Variants in COL28A1 observed in about 807,000 individuals in gnomAD.
COL28A1 encodes the protein collagen type XXVIII alpha 1 chain, also known as collagen alpha-1(XXVIII) chain.
A neutral mutation model predicts 150.2 loss-of-function variants in COL28A1; 161 were observed. That is an observed-to-expected ratio of 1.07 (90% CI 0.94 to 1.22). The LOEUF (loss-of-function observed/expected upper bound fraction) is 1.22, where lower values mean the gene tolerates loss of function less well. Among genes scored for constraint, COL28A1 ranks in the 50% most tolerant of loss-of-function variants. COL28A1 has a pLI of 0.00. For synonymous variants in COL28A1, 552 were observed against 469.7 expected, an observed-to-expected ratio of 1.18 and a Z score of -2.26; for missense variants, 1,617 against 1,388.3, an observed-to-expected ratio of 1.16 and a Z score of -2.62.
intron 15 of COL28A1, among the ~76,000 whole-genome samples, chr7:7,462,567 C>A (rs1162883931): frequency 2.0e-5 from 3 of 152,042 alleles, no homozygotes; most frequent in Non-Finnish European, 2.9e-5. Context: ...GACACACTTA[C>A]AGAAATGCAG....
chr7:7,489,430 C>CAAT lies in COL28A1; in HGVS notation c.1122_1123insATT (p.Pro374_Gly375insIle). The CAAT allele has an allele frequency of 6.8e-7, 1 of 1,463,354 alleles. No individual in the cohort carries two copies. Among genetic ancestry groups the CAAT allele is most frequent in the South Asian group, 1.1e-5 (1 of 88,096 alleles). 90.6% of individuals were successfully genotyped at this position (1,463,354 alleles called of 1,614,324 possible). On this transcript the variant is annotated inframe_insertion, in exon 13 of 35. Coordinates refer to ENST00000399429, the MANE Select transcript of COL28A1 (RefSeq NM_001037763.3). ...CCAACTCCAATGGGTCCTGGAGCTC[C>CAAT]CGGTCTTCCTTCTTGGCCTCTTTCT... is the stretch of plus-strand genomic sequence containing the variant.
At chr7:7,420,068 C>A in intron 25 of COL28A1, 115 bp from the exon 26 acceptor site, 1 of 521,892 alleles carries the variant, frequency 1.9e-6, no homozygotes, top group South Asian at 5.2e-5. Flanking sequence ...ATTAATTGAA[C>A]CCTCTTCTCC....
At chr7:7,388,156 T>A (rs1331119377) in intron 27 of COL28A1, among the ~76,000 whole-genome samples, 5 of 151,924 alleles carry the variant, frequency 3.3e-5, no homozygotes, top group African/African-American at 9.7e-5. Flanking sequence ...ATGCTATCCC[T>A]CCCCTAGCCC....
chr7:7,435,084 T>G (rs1041232945), intron 23 of COL28A1, among the ~76,000 whole-genome samples: 2 of 152,108 alleles, frequency 1.3e-5, no homozygotes, highest in African/African-American at 4.8e-5. Context: ...AGCAAAATGA[T>G]TGAGTGAAGA....
At chr7:7,500,921 C>T (rs1780487563) in intron 11 of COL28A1, among the ~76,000 whole-genome samples, 1 of 152,158 alleles carries the variant, frequency 6.6e-6, no homozygotes, top group South Asian at 2.1e-4. Context: ...TCATGTACTA[C>T]CCTCATCGCC....
intron 27 of COL28A1, among the ~76,000 whole-genome samples, chr7:7,408,341 T>C (rs558885190): frequency 6.6e-6 from 1 of 152,264 alleles, no homozygotes; most frequent in East Asian, 1.9e-4. Flanking sequence ...TAAGTAACCC[T>C]GAGCAGGTAA....
intron 15 of COL28A1, among the ~76,000 whole-genome samples, chr7:7,461,727 A>C (rs2128338755): frequency 6.6e-6 from 1 of 152,238 alleles, no homozygotes; most frequent in Non-Finnish European, 1.5e-5. Flanking sequence ...CAGCCACAGC[A>C]AGACCCACCC....
chr7:7,534,139 T>G (rs554439047), intron 1 of COL28A1, among the ~76,000 whole-genome samples: 1 of 152,300 alleles, frequency 6.6e-6, no homozygotes, highest in South Asian at 2.1e-4. Flanking sequence ...ATGGATGGCT[T>G]CATGCCACAG....
intron 32 of COL28A1, among the ~76,000 whole-genome samples, chr7:7,372,437 AT>A (rs1219193926): frequency 0.018 from 2,685 of 147,482 alleles, 95 homozygotes; most frequent in African/African-American, 0.068. Flanking sequence ...AAATAAATAA[AT>A]AAATGGTTGT....
At chr7:7,524,041 T>G (rs1781888164) in intron 4 of COL28A1, among the ~76,000 whole-genome samples, 188 bp downstream of exon 4, 1 of 152,230 alleles carries the variant, frequency 6.6e-6, no homozygotes, top group Non-Finnish European at 1.5e-5. Context: ...TTTCTAAATT[T>G]TCCAACTTGC....
At chr7:7,400,095 T>C (rs927141955) in intron 27 of COL28A1, among the ~76,000 whole-genome samples, 1 of 152,348 alleles carries the variant, frequency 6.6e-6, no homozygotes, top group South Asian at 2.1e-4. Context: ...CAGACAAGAA[T>C]GGACCCAGAA....
intron 27 of COL28A1, among the ~76,000 whole-genome samples, chr7:7,400,636 T>C (rs1783120542): frequency 6.6e-6 from 1 of 152,026 alleles, no homozygotes; most frequent in South Asian, 2.1e-4. Flanking sequence ...AGATTTTTTG[T>C]CTGCTGGATT....
At chr7:7,418,744 CA>C (rs202180349) in intron 26 of COL28A1, among the ~76,000 whole-genome samples, 25 of 142,294 alleles carry the variant, frequency 1.8e-4, no homozygotes, top group South Asian at 8.9e-4. Context: ...CTGCCCATTG[CA>C]AAAAAAAAAA....
chr7:7,348,001 G>C, the COL28A1 span, among the ~76,000 whole-genome samples: 1 of 151,958 alleles, frequency 6.6e-6, no homozygotes, highest in Non-Finnish European at 1.5e-5. Context: ...GCATTAATTG[G>C]CATGGCAACT....
chr7:7,445,830 A>T (rs1786211979), intron 18 of COL28A1, among the ~76,000 whole-genome samples: 1 of 152,078 alleles, frequency 6.6e-6, no homozygotes, highest in African/African-American at 2.4e-5. Flanking sequence ...AAACTTGAAA[A>T]CAAAAAGTAA....
chr7:7,462,191 T>A (rs1787686465), intron 15 of COL28A1, among the ~76,000 whole-genome samples: 1 of 152,140 alleles, frequency 6.6e-6, no homozygotes, highest in African/African-American at 2.4e-5. Flanking sequence ...GACTACTAAA[T>A]CAAGGAAACA....
intron 33 of COL28A1, among the ~76,000 whole-genome samples, chr7:7,369,214 T>G (rs1781092918): frequency 6.6e-6 from 1 of 152,140 alleles, no homozygotes; most frequent in Admixed American, 6.5e-5. Context: ...GAGGCCCCAG[T>G]AGCGGTCCAT....
chr7:7,486,843 A>G (rs1334558469), intron 13 of COL28A1, among the ~76,000 whole-genome samples: 1 of 152,216 alleles, frequency 6.6e-6, no homozygotes, highest in Non-Finnish European at 1.5e-5. Flanking sequence ...TCTATTAGCT[A>G]GCATGTTGTT....
At chr7:7,458,247 T>C (rs2128336079) in intron 15 of COL28A1, among the ~76,000 whole-genome samples, 1 of 152,180 alleles carries the variant, frequency 6.6e-6, no homozygotes, top group East Asian at 1.9e-4. Flanking sequence ...AGAAACCCCA[T>C]TTCTACTAAA....
Sources: allele counts gnomAD v4.1 joint callset (sites outside exome capture counted in the v4.1 genomes callset), GRCh38; gene constraint gnomAD v4.1.1; transcripts MANE v1.5; gene names NCBI Gene and HGNC (gene_info 2026-07-23, HGNC 2026-07-21).